The following COLEC11 variants were observed in gnomAD, a reference collection of about 807,000 sequenced individuals.
COLEC11 encodes collectin-11.
COLEC11 carries 20 observed loss-of-function variants against 27.3 expected under a neutral mutation model. The ratio of observed to expected loss-of-function variants is 0.73; its 90% CI spans 0.51 to 1.06. The LOEUF (loss-of-function observed/expected upper bound fraction) is 1.06. COLEC11 is among the 50% of genes least tolerant of loss of function. The probability of loss-of-function intolerance (pLI) is 0.00; values close to 1 mark genes in which losing one functional copy is unlikely to be tolerated. For missense variants in COLEC11, 310 were observed against 383.0 expected (o/e 0.81, Z 1.59); for synonymous variants, 163 against 154.7 (o/e 1.05, Z -0.40).
At chr2:3,599,836 G>T (rs1662093051) in intron 1 of COLEC11, among the ~76,000 whole-genome samples, 1 of 152,210 alleles carries the variant, frequency 6.6e-6, no homozygotes, top group South Asian at 2.1e-4. Context: ...CCCGTCAGTG[G>T]CATGCAGTCT....
intron 3 of COLEC11, among the ~76,000 whole-genome samples, chr2:3,614,547 T>G (rs1238808928): frequency 6.6e-6 from 1 of 152,120 alleles, no homozygotes; most frequent in African/African-American, 2.4e-5. Flanking sequence ...TTTTTTTTCT[T>G]TTTTTTAAAT....
intron 1 of COLEC11, among the ~76,000 whole-genome samples, chr2:3,597,271 G>C (rs369056970): frequency 5.3e-5 from 8 of 151,932 alleles, no homozygotes; most frequent in Non-Finnish European, 1.2e-4. Flanking sequence ...GGGCTGCTCC[G>C]GGATCAGCAG....
intron 1 of COLEC11, among the ~76,000 whole-genome samples, chr2:3,600,990 GA>G: frequency 6.6e-6 from 1 of 152,312 alleles, no homozygotes; most frequent in Non-Finnish European, 1.5e-5. Flanking sequence ...CCCCTTCTCA[GA>G]AGAGTCGGGA....
chr2:3,616,326 G>T (rs1470643872), intron 3 of COLEC11, among the ~76,000 whole-genome samples: 3 of 151,184 alleles, frequency 2.0e-5, no homozygotes, highest in Non-Finnish European at 4.4e-5. Flanking sequence ...GGGCGGCCAG[G>T]CAGAGACACT....
At chr2:3,610,572 G>A (rs1007286107) in intron 2 of COLEC11, among the ~76,000 whole-genome samples, 6 of 152,154 alleles carry the variant, frequency 3.9e-5, no homozygotes, top group African/African-American at 1.4e-4. Context: ...GGGTGGTCAG[G>A]TTATCCCCAT....
At position 3,630,131 on chromosome 2, in the gene COLEC11, CTATGTG is replaced by C. The variant is rs1184558940; in HGVS notation, c.203-7398_203-7393del. Among the ~76,000 whole-genome samples, 5 of 151,884 alleles carry C rather than the reference CTATGTG, an allele frequency of 3.3e-5. No homozygotes were observed. In the East Asian group the frequency reaches 5.8e-4, roughly 18 times the overall value. On this transcript the variant is annotated intron_variant, in intron 3 of 6. Coordinates refer to ENST00000349077, the MANE Select transcript of COLEC11 (RefSeq NM_024027.5). ...TGTATGTGGAGGTGAATGCACATCT[CTATGTG>C]TATATGCATGTGCATGTGTGTATGT...
chr2:3,602,736 T>C lies in COLEC11; in HGVS notation c.-26-1579T>C, dbSNP rs768595963. The stretch of plus-strand genomic sequence containing the variant: ...GCGCCGGCTCCTGTCTCCTGTCCTC[T>C]GTGCCCACCAGGCCAGCCCACCTCT... On this transcript the variant is annotated intron_variant, in intron 1 of 6. Transcript: ENST00000349077. The surrounding 1 kb of genome is among the most constrained non-coding windows in gnomAD (Gnocchi z 6.2). 7.2e-5 allele frequency among the ~76,000 whole-genome samples: 11 copies of C among 152,340 alleles called. No individual in the cohort carries two copies. Among genetic ancestry groups the C allele is most frequent in the South Asian group, 4.1e-4 (2 of 4,830 alleles).
At chr2:3,621,794 T>A (rs1664206674) in intron 3 of COLEC11, among the ~76,000 whole-genome samples, 1 of 152,246 alleles carries the variant, frequency 6.6e-6, no homozygotes, top group Non-Finnish European at 1.5e-5. Flanking sequence ...AACTTAACTT[T>A]GATCACACAC....
At chr2:3,622,224 C>T (rs1038949361) in intron 3 of COLEC11, among the ~76,000 whole-genome samples, 5 of 151,102 alleles carry the variant, frequency 3.3e-5, no homozygotes, top group Non-Finnish European at 7.4e-5. Flanking sequence ...CCTGTAGTCT[C>T]GGCTGAGGCA....
At position 3,606,257 on chromosome 2, in the gene COLEC11, A is replaced by C. The variant is rs781454070; in HGVS notation, c.130+1787A>C. On this transcript the variant is annotated intron_variant, in intron 2 of 6. Transcript: ENST00000349077. ...GCGCCCTGCCAGGTCAGTAGCCTGC[A>C]CTGGTGGGGGCCGTGGGGTGGGCTC... 4.9e-4 allele frequency: 754 copies of C among 1,548,826 alleles called. 5 individuals carry two copies. Among genetic ancestry groups the C allele is most frequent in the Non-Finnish European group, 4.3e-4 (498 of 1,145,566 alleles).
intron 5 of COLEC11, among the ~76,000 whole-genome samples, chr2:3,643,030 C>T (rs562531544): frequency 8.5e-5 from 13 of 152,358 alleles, no homozygotes; most frequent in African/African-American, 2.4e-4. Flanking sequence ...GACGCCACTG[C>T]GCCCTTCAGC....
chr2:3,609,222 G>A (rs1662979822), intron 2 of COLEC11, among the ~76,000 whole-genome samples: 1 of 152,178 alleles, frequency 6.6e-6, no homozygotes, highest in African/African-American at 2.4e-5. Flanking sequence ...AAGTCTTGCT[G>A]TTTTTAATGA....
Position 3,615,846 on chromosome 2 carries a change from GCAGGGGC to G in COLEC11, c.202+2465_202+2471del, listed in dbSNP as rs1381483407. ...CCTCCCGGACGCGGCGGCTGGCCGG[GCAGGGGC>G]TGCCCCCCACCTCCCTCCCGGACGC... On this transcript the variant is annotated intron_variant, in intron 3 of 6. Transcript: ENST00000349077. Among the ~76,000 whole-genome samples, 10 of 123,358 alleles carry G rather than the reference GCAGGGGC, an allele frequency of 8.1e-5. No homozygotes were observed. The East Asian group carries it at 1.3e-3, about 16-fold the overall frequency. 80.9% of individuals were successfully genotyped at this position (123,358 alleles called of 152,430 possible).
At chr2:3,630,321 A>C (rs182029445) in intron 3 of COLEC11, among the ~76,000 whole-genome samples, 353 of 152,334 alleles carry the variant, frequency 2.3e-3, no homozygotes, top group South Asian at 0.01. Context: ...GGGGACTTCA[A>C]AAAGTTTGTG....
chr2:3,608,197 G>A (rs1285404029), intron 2 of COLEC11, among the ~76,000 whole-genome samples: 2 of 152,194 alleles, frequency 1.3e-5, no homozygotes, highest in African/African-American at 4.8e-5. Context: ...TACATGATTT[G>A]CAGGGAAGCC....
chr2:3,604,965 C>CA (rs1662525813), intron 2 of COLEC11: 1 of 387,756 alleles, frequency 2.6e-6, no homozygotes, highest in Non-Finnish European at 5.2e-6. Context: ...AAGACAGGAA[C>CA]TTTTTTTTTT....
chr2:3,601,298 TTTATTA>T (rs1010243150), intron 1 of COLEC11, among the ~76,000 whole-genome samples: 4 of 152,110 alleles, frequency 2.6e-5, no homozygotes, highest in Non-Finnish European at 4.4e-5. Context: ...TGGATTTTTC[TTTATTA>T]TTATTATTTT....
At chr2:3,628,761 C>G (rs1176230727) in intron 3 of COLEC11, among the ~76,000 whole-genome samples, 3 of 152,218 alleles carry the variant, frequency 2.0e-5, no homozygotes, top group East Asian at 3.9e-4. Flanking sequence ...TTCTCCACTT[C>G]AGAGGACTGT....
intron 1 of COLEC11, among the ~76,000 whole-genome samples, chr2:3,600,881 AT>A (rs1180727531): frequency 6.6e-6 from 1 of 152,196 alleles, no homozygotes; most frequent in Admixed American, 6.5e-5. Context: ...TGTATCTGAC[AT>A]TTTCCATTAT....
Sources: gnomAD v4.1 joint callset for allele counts (sites outside exome capture counted in the v4.1 genomes callset) on GRCh38, gnomAD v4.1.1 for gene constraint, Gnocchi (gnomAD v3.1) non-coding constraint, MANE v1.5 for transcripts, NCBI Gene and HGNC (gene_info 2026-07-23, HGNC 2026-07-21) for gene names.